The following JARID2 variants were observed in gnomAD, a reference collection of about 807,000 sequenced individuals.
The protein encoded by JARID2 is jumonji and AT-rich interaction domain containing 2.
A neutral mutation model predicts 125.6 loss-of-function variants in JARID2; 21 were observed. That is an observed-to-expected ratio of 0.17 (90% confidence interval 0.12 to 0.24). The LOEUF is 0.24. Among genes scored for constraint, JARID2 ranks in the 10% least tolerant of loss-of-function variants. The pLI is 1.00. For synonymous variants in JARID2, 736 were observed against 661.6 expected (o/e 1.11, Z -1.73); for missense variants, 1,303 against 1,639.6 (o/e 0.79, Z 3.55).
intron 1 of JARID2, among the ~76,000 whole-genome samples, chr6:15,311,666 A>C (rs1333856142): frequency 6.6e-6 from 1 of 152,216 alleles, no homozygotes; most frequent in Admixed American, 6.5e-5. Context: ...CTTTCTGCAC[A>C]ATACAAAAGC....
At position 15,363,343 on chromosome 6, in the gene JARID2, GCA is replaced by G. The variant is rs10594863; in HGVS notation, c.46-10771_46-10770del. Among the ~76,000 whole-genome samples the G allele has an allele frequency of 7.4e-3, 1,134 of 152,322 alleles. 15 individuals carry two copies. Among genetic ancestry groups the G allele is most frequent in the African/African-American group, 0.026 (1,077 of 41,566 alleles). ...GAGAATCTCAGCGAAAGGAGGCTGT[GCA>G]CAGTGTGTGTTCACAAGCCCTGGGA... On this transcript the variant is annotated intron_variant, in intron 1 of 17. Coordinates refer to ENST00000341776, the MANE Select transcript of JARID2 (RefSeq NM_004973.4).
intron 1 of JARID2, among the ~76,000 whole-genome samples, chr6:15,369,063 A>G (rs1764073830): frequency 6.6e-6 from 1 of 151,768 alleles, no homozygotes; most frequent in Admixed American, 6.6e-5. Flanking sequence ...TCAGCTGTGG[A>G]GAGTTGTTAC....
intron 1 of JARID2, among the ~76,000 whole-genome samples, chr6:15,300,600 C>CTT (rs1178796823): frequency 6.6e-6 from 1 of 151,550 alleles, no homozygotes; most frequent in Non-Finnish European, 1.5e-5. Flanking sequence ...ATTTTGGAGT[C>CTT]TATCTGTTTC....
chr6:15,375,183 A>G (rs1471400719), intron 2 of JARID2, among the ~76,000 whole-genome samples: 1 of 152,112 alleles, frequency 6.6e-6, no homozygotes, highest in Non-Finnish European at 1.5e-5. Context: ...TCCTGTTGGA[A>G]CTAGTGTTCA....
At chr6:15,353,992 C>T (rs1028048371) in intron 1 of JARID2, among the ~76,000 whole-genome samples, 1 of 152,206 alleles carries the variant, frequency 6.6e-6, no homozygotes, top group Admixed American at 6.5e-5. Context: ...CCAGCACATC[C>T]CTGTATAGCC....
At position 15,501,332 on chromosome 6, in the gene JARID2, G is replaced by C; in HGVS notation, c.2371G>C (p.Ala791Pro). 2 of 1,605,170 alleles carry C rather than the reference G, an allele frequency of 1.2e-6. No individual in the cohort carries two copies. Among genetic ancestry groups the C allele is most frequent in the East Asian group, 2.2e-5 (1 of 44,768 alleles). ...GAAGACTGGCCGGCGGCGACTCTTC[G>C]CTCAGGAAAAAGAAGTGGTCAAGGA... Reference protein sequence around the residue: ...QLKTGRRRLFAQEKEVVKEEE... With the variant: ...QLKTGRRRLFPQEKEVVKEEE... Residue 791 changes from alanine to proline, a missense_variant, in exon 8 of 18, where the codon GCT (alanine) becomes CCT (proline). By Grantham distance (27) the Ala-to-Pro change is conservative. Coordinates refer to ENST00000341776, the MANE Select transcript of JARID2 (RefSeq NM_004973.4).
rs1160442889 is a variant in JARID2, at chr6:15,520,785, C to G, written c.*534C>G. 8 of 455,928 alleles carry G rather than the reference C, an allele frequency of 1.8e-5. No individual in the cohort carries two copies. In the Admixed American group the frequency reaches 1.9e-4, roughly 11 times the overall value. 28.2% of individuals were successfully genotyped at this position (455,928 alleles called of 1,614,324 possible). A position where few individuals can be genotyped will look rare whatever the true frequency, so the allele number is the denominator to read the frequency against. On this transcript the variant is annotated 3_prime_UTR_variant, in exon 18 of 18. Coordinates refer to ENST00000341776, the MANE Select transcript of JARID2 (RefSeq NM_004973.4). Reference sequence around the variant, plus strand: ...GCTTGTGATCTGGGAAGCCGGGGCACCCCCGTTTTGTTTCTCTGGGCGGTT... The same window carrying G: ...GCTTGTGATCTGGGAAGCCGGGGCAGCCCCGTTTTGTTTCTCTGGGCGGTT...
At position 15,410,244 on chromosome 6, in the gene JARID2, T is replaced by C; in HGVS notation, c.202T>C (p.Ser68Pro). The C allele has an allele frequency of 6.2e-7, 1 of 1,614,116 alleles. No homozygotes were observed. The highest frequency in any genetic ancestry group is 8.5e-7 in the Non-Finnish European group (1 of 1,179,970). ...TGTAGGGCTCCTTGGTAATGACCAGTCTAAGGGATTAGGACCAGCATCAGA... is the reference window on the plus strand; with the variant it reads ...TGTAGGGCTCCTTGGTAATGACCAGCCTAAGGGATTAGGACCAGCATCAGA... ...TVNGLLGNDQSKGLGPASEQS... is the reference protein window; with the variant it reads ...TVNGLLGNDQPKGLGPASEQS... Residue 68 changes from serine (S) to proline (P), a missense_variant, in exon 3 of 18, where the codon TCT becomes CCT. By Grantham distance (74) the Ser-to-Pro change is moderately conservative. Around this residue, in one of 11 missense-constraint regions of JARID2, gnomAD observed 93 missense variants for 120.4 expected, o/e 0.77. Coordinates refer to ENST00000341776, the MANE Select transcript of JARID2 (RefSeq NM_004973.4).
At chr6:15,465,780 T>C (rs1768694233) in intron 4 of JARID2, among the ~76,000 whole-genome samples, 1 of 151,836 alleles carries the variant, frequency 6.6e-6, no homozygotes, top group African/African-American at 2.4e-5. Flanking sequence ...GCTGTATTTT[T>C]TTTGTTGCTG....
chr6:15,399,372 C>T (rs574192463), intron 2 of JARID2, among the ~76,000 whole-genome samples: 12 of 152,286 alleles, frequency 7.9e-5, no homozygotes, highest in African/African-American at 2.9e-4. Context: ...ACAGTTTCAT[C>T]ATCTATGAAG....
At chr6:15,353,504 G>T (rs1246667835) in intron 1 of JARID2, among the ~76,000 whole-genome samples, 1 of 152,172 alleles carries the variant, frequency 6.6e-6, no homozygotes, top group Admixed American at 6.5e-5. Context: ...ATCGAGGAAG[G>T]TCTCTTTCTG....
intron 1 of JARID2, among the ~76,000 whole-genome samples, chr6:15,313,114 T>C (rs1209200579): frequency 6.6e-6 from 1 of 152,210 alleles, no homozygotes; most frequent in Non-Finnish European, 1.5e-5. Flanking sequence ...TGTTAATGGA[T>C]TGCCGTCGGA....
intron 3 of JARID2, among the ~76,000 whole-genome samples, chr6:15,422,387 G>A (rs1305938822): frequency 1.3e-5 from 2 of 152,124 alleles, no homozygotes; most frequent in Admixed American, 6.5e-5. Flanking sequence ...TGTATTTCAC[G>A]CACTGTGCCT....
At chr6:15,277,587 A>G (rs1277021234) in intron 1 of JARID2, among the ~76,000 whole-genome samples, 1 of 152,310 alleles carries the variant, frequency 6.6e-6, no homozygotes, top group East Asian at 1.9e-4. Flanking sequence ...AAACTGAAAC[A>G]AAGGTCCGAC....
chr6:15,408,990 T>C (rs971122235), intron 2 of JARID2, among the ~76,000 whole-genome samples: 1 of 152,240 alleles, frequency 6.6e-6, no homozygotes, highest in African/African-American at 2.4e-5. Context: ...TGTTTTATTT[T>C]CAACCTCATG....
At chr6:15,355,852 C>A (rs1763581546) in intron 1 of JARID2, among the ~76,000 whole-genome samples, 1 of 152,238 alleles carries the variant, frequency 6.6e-6, no homozygotes, top group African/African-American at 2.4e-5. Flanking sequence ...TTCATGTGAT[C>A]TGCCCACCTT....
At chr6:15,318,615 C>CT (rs1762254410) in intron 1 of JARID2, among the ~76,000 whole-genome samples, 1 of 152,178 alleles carries the variant, frequency 6.6e-6, no homozygotes, top group South Asian at 2.1e-4. Flanking sequence ...AGGCACCCCC[C>CT]TCCCCTTTCC....
intron 3 of JARID2, among the ~76,000 whole-genome samples, chr6:15,416,922 A>G (rs548445372): frequency 1.3e-5 from 2 of 152,092 alleles, no homozygotes; most frequent in East Asian, 3.9e-4. Context: ...GAATGGATGG[A>G]TTTTGGTCAT....
At chr6:15,402,527 A>G (rs188492516) in intron 2 of JARID2, among the ~76,000 whole-genome samples, 237 of 152,292 alleles carry the variant, frequency 1.6e-3, no homozygotes, top group African/African-American at 5.2e-3. Flanking sequence ...GACTTTCCAC[A>G]TGTTGGGCCC....
Sources: allele counts gnomAD v4.1 joint callset (sites outside exome capture counted in the v4.1 genomes callset), GRCh38; gene constraint gnomAD v4.1.1; regional missense constraint gnomAD v4.1.1; transcripts MANE v1.5; gene names NCBI Gene and HGNC (gene_info 2026-07-23, HGNC 2026-07-21).